FAM168B: variants seen among roughly 807,000 people sequenced by gnomAD.
FAM168B encodes the protein myelin-associated neurite-outgrowth inhibitor.
FAM168B carries 19 observed loss-of-function variants against 21.8 expected under a neutral mutation model. That is an observed-to-expected ratio of 0.87 (90% confidence interval 0.61 to 1.28). The LOEUF (loss-of-function observed/expected upper bound fraction) is 1.28. Among genes scored for constraint, FAM168B ranks in the 50% most tolerant of loss-of-function variants. The pLI is 0.00. For synonymous variants in FAM168B, 126 were observed against 104.8 expected (o/e 1.20, Z -1.24); for missense variants, 233 against 263.1 (o/e 0.89, Z 0.79).
intron 3 of FAM168B, among the ~76,000 whole-genome samples, chr2:131,068,305 T>A (rs115477139): frequency 0.017 from 2,541 of 152,226 alleles, 41 homozygotes; most frequent in African/African-American, 0.044. Flanking sequence ...ACTACAAGTG[T>A]GTGCCACCAC....
chr2:131,052,804 T>C, intron 6 of FAM168B, 87 bp downstream of exon 6: 1 of 1,500,426 alleles, frequency 6.7e-7, no homozygotes, highest in Non-Finnish European at 8.9e-7. Flanking sequence ...CTTTCCTCGT[T>C]AGTGCTTAAA....
At chr2:131,069,095 C>G (rs1692724429) in intron 3 of FAM168B, among the ~76,000 whole-genome samples, 1 of 152,244 alleles carries the variant, frequency 6.6e-6, no homozygotes, top group African/African-American at 2.4e-5. Context: ...GTCAGCAGCA[C>G]TCAGTCTCCA....
At chr2:131,063,884 C>G (rs1053940476) in intron 3 of FAM168B, among the ~76,000 whole-genome samples, 3 of 150,908 alleles carry the variant, frequency 2.0e-5, no homozygotes, top group African/African-American at 7.3e-5. Context: ...TTTCATTCAG[C>G]ACTAAGTCCA....
chr2:131,079,335 G>C (rs1357759394), intron 2 of FAM168B, among the ~76,000 whole-genome samples: 1 of 152,128 alleles, frequency 6.6e-6, no homozygotes, highest in African/African-American at 2.4e-5. Flanking sequence ...GGGCGTGGTG[G>C]CACGCACCAC....
intron 3 of FAM168B, among the ~76,000 whole-genome samples, chr2:131,071,651 G>T (rs1313388462): frequency 6.6e-6 from 1 of 152,176 alleles, no homozygotes; most frequent in Non-Finnish European, 1.5e-5. Flanking sequence ...GATTTGCCTT[G>T]TGGGAGGACA....
intron 1 of FAM168B, among the ~76,000 whole-genome samples, chr2:131,088,067 G>A (rs1445027774): frequency 1.3e-5 from 2 of 152,114 alleles, no homozygotes; most frequent in African/African-American, 4.8e-5. Flanking sequence ...GCAACATGGT[G>A]AAACCCAGTC....
In FAM168B at chr2:131,048,083, T is replaced by G. The variant is rs1205667568; in HGVS notation, c.*4382A>C. ...TGGATACGTAAGTTCAATGCAGAGG[T>G]GAGGGATGCCTTTAACACTGGAAGA... On this transcript the variant is annotated 3_prime_UTR_variant, in exon 7 of 7. Transcript: ENST00000389915. 1 of 830,650 alleles carries G rather than the reference T, an allele frequency of 1.2e-6. No homozygotes were observed. The highest frequency in any genetic ancestry group is 1.6e-6 in the Non-Finnish European group (1 of 617,140). The allele number at this position is 830,650 out of a possible 1,614,324, so 51.5% of individuals were successfully genotyped here.
At chr2:131,052,801 C>T (rs1176358408) in intron 6 of FAM168B, 90 bp downstream of exon 6, 5 of 1,495,732 alleles carry the variant, frequency 3.3e-6, no homozygotes, top group Non-Finnish European at 4.5e-6. Flanking sequence ...ACACTTTCCT[C>T]GTTAGTGCTT....
intron 4 of FAM168B, 51 bp downstream of exon 4, chr2:131,055,502 C>T (rs532255564): frequency 2.1e-5 from 34 of 1,599,664 alleles, no homozygotes; most frequent in East Asian, 9.0e-5. Context: ...AAAGGATGAA[C>T]GCCCAGGTGG....
intron 3 of FAM168B, among the ~76,000 whole-genome samples, chr2:131,066,391 G>A (rs1692561770): frequency 6.6e-6 from 1 of 152,102 alleles, no homozygotes; most frequent in African/African-American, 2.4e-5. Context: ...TAGCCAGGAT[G>A]GTCTCGATCT....
rs75859840 is a variant in FAM168B, at chr2:131,084,500, A to G, written c.-11-1843T>C. ...CAGGTGTGTGCCACCATGCCACTCT[A>G]GTTTCCTGTATTTCTTCAAAAACTT... On this transcript the variant is annotated intron_variant, in intron 1 of 6. Transcript: ENST00000389915. Among the ~76,000 whole-genome samples the G allele has an allele frequency of 3.9e-3, 596 of 151,592 alleles. 3 individuals carry two copies. The highest frequency in any genetic ancestry group is 0.014 in the African/African-American group (576 of 41,354).
chr2:131,077,534 G>A (rs1034706607), intron 2 of FAM168B, among the ~76,000 whole-genome samples: 3 of 152,306 alleles, frequency 2.0e-5, no homozygotes, highest in South Asian at 2.1e-4. Flanking sequence ...CCCCCAAAAT[G>A]TTTATGTTCC....
chr2:131,077,211 T>TA (rs1693199584), intron 2 of FAM168B, among the ~76,000 whole-genome samples: 1 of 138,486 alleles, frequency 7.2e-6, no homozygotes, highest in Non-Finnish European at 1.5e-5. Context: ...GCTATTACAT[T>TA]TAAAAAAAAA....
rs1411386248 is a variant in FAM168B at position 131,048,055 on chromosome 2, G to C, written c.*4410C>G. On this transcript the variant is annotated 3_prime_UTR_variant, in exon 7 of 7. Transcript: ENST00000389915. ...CTCAGGATGGAAATTCCATTCCTTG[G>C]CATGGATACGTAAGTTCAATGCAGA... The C allele has an allele frequency of 1.9e-6, 1 of 521,454 alleles. No homozygotes were observed. Among genetic ancestry groups the C allele is most frequent in the Non-Finnish European group, 2.8e-6 (1 of 356,052 alleles). 32.3% of individuals were successfully genotyped at this position (521,454 alleles called of 1,614,324 possible). A position where few individuals can be genotyped will look rare whatever the true frequency, so the allele number is the denominator to read the frequency against.
chr2:131,076,243 A>G (rs1325979912), intron 2 of FAM168B, among the ~76,000 whole-genome samples: 2 of 152,164 alleles, frequency 1.3e-5, no homozygotes, highest in Admixed American at 6.5e-5. Context: ...CCCAACCCCC[A>G]GCAGACACAG....
At chr2:131,058,399 C>G (rs976180914) in intron 3 of FAM168B, among the ~76,000 whole-genome samples, 1 of 152,158 alleles carries the variant, frequency 6.6e-6, no homozygotes, top group African/African-American at 2.4e-5. Context: ...TGGCTGAGAT[C>G]TGCAGCAGAC....
Position 131,084,743 on chromosome 2 carries a change from T to C in FAM168B, c.-11-2086A>G, listed in dbSNP as rs532031444. ...GCTCCTCTGAATCTTATCCAGGGTA[T>C]TATTTACTTTTATTTATTTTTTAGA... On this transcript the variant is annotated intron_variant, in intron 1 of 6. Transcript: ENST00000389915. Among the ~76,000 whole-genome samples the C allele has an allele frequency of 1.2e-4, 19 of 152,130 alleles. No individual in the cohort carries two copies. The South Asian group carries it at 3.7e-3, about 30-fold the overall frequency.
Position 131,048,382 on chromosome 2 carries a change from G to A in FAM168B, c.*4083C>T. ...GAGACACCTGTCATGCCAGTCCTGGGAGCACACCACCCTTCTGCAGGCCCG... is the reference window on the plus strand; with the variant it reads ...GAGACACCTGTCATGCCAGTCCTGGAAGCACACCACCCTTCTGCAGGCCCG... On this transcript the variant is annotated 3_prime_UTR_variant, in exon 7 of 7. Coordinates refer to ENST00000389915, the MANE Select transcript of FAM168B (RefSeq NM_001009993.4). 2 of 1,286,232 alleles carry A rather than the reference G, an allele frequency of 1.6e-6. No homozygotes were observed. Among genetic ancestry groups the A allele is most frequent in the South Asian group, 1.3e-5 (1 of 79,676 alleles). 79.7% of individuals were successfully genotyped at this position (1,286,232 alleles called of 1,614,324 possible).
intron 5 of FAM168B, among the ~76,000 whole-genome samples, chr2:131,054,280 C>T (rs906545334): frequency 9.2e-5 from 14 of 151,442 alleles, no homozygotes; most frequent in African/African-American, 3.4e-4. Flanking sequence ...ACATGAGCTT[C>T]TGAGTTCTTT....
Sources: allele counts gnomAD v4.1 joint callset (sites outside exome capture counted in the v4.1 genomes callset), GRCh38; gene constraint gnomAD v4.1.1; transcripts MANE v1.5; gene names NCBI Gene and HGNC (gene_info 2026-07-23, HGNC 2026-07-21).